Variants in PHF11 observed in about 807,000 individuals in gnomAD.
The protein encoded by PHF11 is PHD finger protein 11, also known as BRCA1 C-terminus-associated protein.
A neutral mutation model predicts 40.5 loss-of-function variants in PHF11; 38 were observed. That is an observed-to-expected ratio of 0.94 (90% confidence interval 0.72 to 1.23). The LOEUF (loss-of-function observed/expected upper bound fraction) is 1.23. Among genes scored for constraint, PHF11 ranks in the 50% most tolerant of loss-of-function variants. PHF11 has a pLI of 0.00. For missense variants in PHF11, 369 were observed against 392.4 expected (o/e 0.94, Z 0.50); for synonymous variants, 127 against 138.2 (o/e 0.92, Z 0.57).
chr13:49,514,690 C>T (rs919191252), intron 3 of PHF11, among the ~76,000 whole-genome samples: 3 of 151,240 alleles, frequency 2.0e-5, no homozygotes, highest in Non-Finnish European at 1.5e-5. Context: ...CCTGGAAAGT[C>T]GAGGCTGCAG....
intron 1 of PHF11, among the ~76,000 whole-genome samples, chr13:49,504,772 A>AG (rs1352910901): frequency 6.6e-6 from 1 of 151,838 alleles, no homozygotes; most frequent in Non-Finnish European, 1.5e-5. Flanking sequence ...TGGAATAGAA[A>AG]GGGGGGAAAG....
intron 1 of PHF11, among the ~76,000 whole-genome samples, chr13:49,501,018 T>TTTG (rs1187552787): frequency 1.4e-4 from 6 of 42,180 alleles, no homozygotes; most frequent in African/African-American, 8.6e-4. Flanking sequence ...TTTTTTTTGG[T>TTTG]TTTTTTTTTT....
At chr13:49,496,764 G>A (rs1414608627) in intron 1 of PHF11, among the ~76,000 whole-genome samples, 6 of 150,432 alleles carry the variant, frequency 4.0e-5, no homozygotes. Flanking sequence ...CAGAGGTACA[G>A]ATGAGAGACT....
chr13:49,522,068 AAG>A lies in PHF11; in HGVS notation c.534_535del (p.Gly179LysfsTer19), dbSNP rs1233659300. ...SAKFSGVKRK[R>X]GRKKPLSGNH... Reference sequence around the variant, plus strand: ...CTAAATTTTCAGGAGTGAAAAGAAAAAGAGGAAGGAAGAAACCCCTCTCAGGC... The same window carrying A: ...CTAAATTTTCAGGAGTGAAAAGAAAAAGGAAGGAAGAAACCCCTCTCAGGC... On this transcript the variant is annotated frameshift_variant, in exon 6 of 10. Coordinates refer to ENST00000378319, the MANE Select transcript of PHF11 (RefSeq NM_001040443.3). LOFTEE classifies it high-confidence loss of function. The A allele has an allele frequency of 9.0e-6, 14 of 1,555,726 alleles. No homozygotes were observed. In the African/African-American group the frequency reaches 1.6e-4, roughly 18 times the overall value.
intron 3 of PHF11, among the ~76,000 whole-genome samples, chr13:49,517,740 G>GT (rs1177615421): frequency 1.3e-5 from 2 of 152,090 alleles, no homozygotes; most frequent in Non-Finnish European, 2.9e-5. Context: ...GACAGAGACT[G>GT]TTTTTTTGAA....
chr13:49,507,160 C>G (rs1417619201), intron 2 of PHF11, among the ~76,000 whole-genome samples: 1 of 152,074 alleles, frequency 6.6e-6, no homozygotes, highest in African/African-American at 2.4e-5. Context: ...CCACCTCGGC[C>G]TCCCAAAGTG....
chr13:49,526,328 A>G, intron 8 of PHF11, 59 bp from the exon 9 acceptor site: 1 of 1,045,800 alleles, frequency 9.6e-7, no homozygotes, highest in Admixed American at 1.8e-5. Context: ...ACATATATAA[A>G]TGGAGGAGTT....
intron 5 of PHF11, chr13:49,521,334 T>C (rs998582633): frequency 1.0e-6 from 1 of 991,394 alleles, no homozygotes; most frequent in Non-Finnish European, 1.2e-6. Flanking sequence ...ATTTCAGTTC[T>C]AATTAAGGCA....
rs1215552250 is a variant in PHF11, at chr13:49,527,667, AAG to A, written c.842-841_842-840del. 3.3e-5 allele frequency among the ~76,000 whole-genome samples: 5 copies of A among 152,292 alleles called. No homozygotes were observed. The East Asian group carries it at 5.8e-4, about 18-fold the overall frequency. ...GCAGCCTTAAAAATTTTTTTCTAAA[AAG>A]AGTTATTTTGTAGGGGACTTCCATG... On this transcript the variant is annotated intron_variant, in intron 9 of 9. Transcript: ENST00000378319.
In PHF11 at chr13:49,518,022, G is replaced by T; in HGVS notation, c.329G>T (p.Cys110Phe). Residue 110 changes from cysteine (C) to phenylalanine (F), a missense_variant, in exon 4 of 10, where the codon TGC becomes TTC. Cys to Phe is a radical substitution (Grantham distance 205). Coordinates refer to ENST00000378319, the MANE Select transcript of PHF11 (RefSeq NM_001040443.3). ...GTAAAATCTATTCTTCTGTAGAAATGCAAATTTTGTCATAAAAGAGGAGCC... is the reference window on the plus strand; with the variant it reads ...GTAAAATCTATTCTTCTGTAGAAATTCAAATTTTGTCATAAAAGAGGAGCC... ...KEIQRGRKLK[C>F]KFCHKRGATV... 6.6e-7 allele frequency: 1 copy of T among 1,524,908 alleles called. No homozygotes were observed. The highest frequency in any genetic ancestry group is 9.0e-7 in the Non-Finnish European group (1 of 1,112,970). The allele number at this position is 1,524,908 out of a possible 1,614,324, so 94.5% of individuals were successfully genotyped here.
rs1028663183 is a variant in PHF11, at chr13:49,495,969, T to C, written c.-33T>C. The C allele has an allele frequency of 1.3e-5, 18 of 1,423,816 alleles. No individual in the cohort carries two copies. In the East Asian group the frequency reaches 5.1e-4, roughly 40 times the overall value. The allele number at this position is 1,423,816 out of a possible 1,614,324, so 88.2% of individuals were successfully genotyped here. A position where few individuals can be genotyped will look rare whatever the true frequency, so the allele number is the denominator to read the frequency against. ...AGCTGGGGCACTTCCGGGATCTCGC[T>C]ATCCGGCCGCCACCCGCAGCTGCAG... is the stretch of plus-strand genomic sequence containing the variant. On this transcript the variant is annotated 5_prime_UTR_variant, in exon 1 of 10. Transcript: ENST00000378319.
intron 3 of PHF11, among the ~76,000 whole-genome samples, chr13:49,517,690 A>G (rs528974625): frequency 3.3e-5 from 5 of 152,320 alleles, no homozygotes; most frequent in South Asian, 4.1e-4. Context: ...GGAGCTGGAC[A>G]AGTTTGCCCA....
At chr13:49,506,300 G>T (rs935744572) in intron 1 of PHF11, among the ~76,000 whole-genome samples, 2 of 151,714 alleles carry the variant, frequency 1.3e-5, no homozygotes, top group African/African-American at 4.8e-5. Flanking sequence ...GACTTGAGAG[G>T]ACCACTTGAG....
At chr13:49,496,132 G>T in intron 1 of PHF11, 37 bp downstream of exon 1, 4 of 1,109,558 alleles carry the variant, frequency 3.6e-6, no homozygotes, top group Non-Finnish European at 4.6e-6. Flanking sequence ...GGCGGGCGGG[G>T]CTGGGCAGCG....
At chr13:49,500,494 G>A (rs1169695263) in intron 1 of PHF11, among the ~76,000 whole-genome samples, 1 of 152,118 alleles carries the variant, frequency 6.6e-6, no homozygotes, top group Non-Finnish European at 1.5e-5. Context: ...AGTCCTCAGT[G>A]TGACTCCCAT....
intron 8 of PHF11, 182 bp from the exon 9 acceptor site, chr13:49,526,205 G>C: frequency 1.9e-6 from 1 of 529,202 alleles, no homozygotes; most frequent in Non-Finnish European, 3.4e-6. Flanking sequence ...AAAGAGAAAT[G>C]CCAAGAATTA....
chr13:49,504,479 CCCGCCCGGCCAG>C (rs1958951325), intron 1 of PHF11, among the ~76,000 whole-genome samples: 4 of 147,420 alleles, frequency 2.7e-5, no homozygotes, highest in African/African-American at 4.9e-5. Flanking sequence ...TCCCCAGCCC[CCCGCCCGGCCAG>C]CCGCCCCGTC....
intron 9 of PHF11, 132 bp from the exon 10 acceptor site, chr13:49,528,379 C>G: frequency 1.6e-6 from 1 of 625,410 alleles, no homozygotes; most frequent in Non-Finnish European, 2.7e-6. Context: ...GCCCATAAGG[C>G]TCTGGATCCT....
intron 2 of PHF11, among the ~76,000 whole-genome samples, chr13:49,507,118 G>C (rs957848366): frequency 6.6e-6 from 1 of 151,966 alleles, no homozygotes; most frequent in Admixed American, 6.6e-5. Flanking sequence ...TGTTAGCCAG[G>C]ATGATCTCGA....
Sources: gnomAD v4.1 joint callset for allele counts (sites outside exome capture counted in the v4.1 genomes callset) on GRCh38, gnomAD v4.1.1 for gene constraint, MANE v1.5 for transcripts, NCBI Gene and HGNC (gene_info 2026-07-23, HGNC 2026-07-21) for gene names.